AGAP1: variants seen among roughly 807,000 people sequenced by gnomAD.
AGAP1 encodes the protein arf-GAP with GTPase, ANK repeat and PH domain-containing protein 1.
A neutral mutation model predicts 105.3 loss-of-function variants in AGAP1; 29 were observed. The observed-to-expected ratio is 0.28, with a 90% CI of 0.21 to 0.38. AGAP1 has a LOEUF of 0.38. Among genes scored for constraint, AGAP1 ranks in the 10% least tolerant of loss-of-function variants. The pLI, the probability that AGAP1 is intolerant of heterozygous loss-of-function variation, is 1.00. For synonymous variants in AGAP1, 509 were observed against 485.9 expected, an observed-to-expected ratio of 1.05 and a Z score of -0.63; for missense variants, 998 against 1,165.1, an observed-to-expected ratio of 0.86 and a Z score of 2.09.
In AGAP1 at chr2:236,104,165, G is replaced by A. The variant is rs2059427146; in HGVS notation, c.2115-16027G>A. On this transcript the variant is annotated intron_variant, in intron 16 of 17. Transcript: ENST00000304032. The surrounding 1 kb of genome is among the most constrained non-coding windows in gnomAD (Gnocchi z 4.7). ...CGCAAGGCGGGAGGCCTGTGTAAAG[G>A]CCTGCAGGAAGAGGCTGAGGGCCCG... Among the ~76,000 whole-genome samples the A allele has an allele frequency of 6.6e-6, 1 of 152,348 alleles. No individual in the cohort carries two copies. Among genetic ancestry groups the A allele is most frequent in the East Asian group, 1.9e-4 (1 of 5,180 alleles).
intron 1 of AGAP1, among the ~76,000 whole-genome samples, chr2:235,650,097 C>T (rs1479028612): frequency 6.6e-6 from 1 of 152,184 alleles, no homozygotes; most frequent in Non-Finnish European, 1.5e-5. Context: ...GATGGTGGCT[C>T]ACGCCTGAAA....
intron 16 of AGAP1, among the ~76,000 whole-genome samples, chr2:236,102,949 G>A (rs1347031016): frequency 6.6e-6 from 1 of 151,668 alleles, no homozygotes; most frequent in African/African-American, 2.4e-5. Context: ...TTCTCCCACC[G>A]CAAGCCCCCG....
intron 16 of AGAP1, among the ~76,000 whole-genome samples, chr2:236,074,154 C>T (rs981237997): frequency 3.9e-5 from 6 of 152,184 alleles, no homozygotes; most frequent in South Asian, 2.1e-4. Context: ...AGCAGCTTGA[C>T]GCGGTAGGGG....
At chr2:235,536,605 CT>C (rs1341468473) in intron 1 of AGAP1, among the ~76,000 whole-genome samples, 1 of 134,678 alleles carries the variant, frequency 7.4e-6, no homozygotes, top group Non-Finnish European at 1.6e-5. Context: ...AGCAGGACCC[CT>C]GGGTTTGTGT....
At position 235,801,517 on chromosome 2, in the gene AGAP1, C is replaced by T. The variant is rs184097852; in HGVS notation, c.957+1995C>T. The stretch of plus-strand genomic sequence containing the variant: ...TATTGGGCAGTTTCTTCACACACAC[C>T]GAGAACAGCAGCAGTCACCTAAATA... On this transcript the variant is annotated intron_variant, in intron 8 of 17. Transcript: ENST00000304032. This position sits in a 1 kb window ranked among gnomAD's most constrained non-coding sequence, Gnocchi z 6.0. 5.9e-5 allele frequency among the ~76,000 whole-genome samples: 9 copies of T among 152,142 alleles called. No individual in the cohort carries two copies. Among genetic ancestry groups the T allele is most frequent in the Non-Finnish European group, 1.2e-4 (8 of 67,994 alleles).
At chr2:236,098,171 C>T (rs2059242123) in intron 16 of AGAP1, among the ~76,000 whole-genome samples, 1 of 152,048 alleles carries the variant, frequency 6.6e-6, no homozygotes, top group South Asian at 2.1e-4. Flanking sequence ...TATTTCAGTC[C>T]CTGCTTTCGA....
chr2:235,926,980 G>GA (rs1163555451), intron 11 of AGAP1, among the ~76,000 whole-genome samples: 4 of 152,206 alleles, frequency 2.6e-5, no homozygotes, highest in Middle Eastern at 3.4e-3. Flanking sequence ...ATTCTACTTT[G>GA]AAAAAAATGA....
Position 236,131,216 on chromosome 2 carries a change from C to T in AGAP1, c.*7094C>T, listed in dbSNP as rs977669005. 2 of 152,192 alleles carry T rather than the reference C, an allele frequency of 1.3e-5. No individual in the cohort carries two copies. The highest frequency in any genetic ancestry group is 2.9e-5 in the Non-Finnish European group (2 of 68,058). 9.4% of individuals were successfully genotyped at this position (152,192 alleles called of 1,614,324 possible). ...GAGCGCTGGGGAGGCCCTTATTGAG[C>T]TCAGCCTGGAGAGGGGAGGGTCGCA... is the stretch of plus-strand genomic sequence containing the variant. On this transcript the variant is annotated 3_prime_UTR_variant, in exon 18 of 18. Transcript: ENST00000304032. This position sits in a 1 kb window ranked among gnomAD's most constrained non-coding sequence, Gnocchi z 5.9.
At chr2:235,658,971 C>G (rs1947862671) in intron 1 of AGAP1, among the ~76,000 whole-genome samples, 1 of 152,202 alleles carries the variant, frequency 6.6e-6, no homozygotes, top group African/African-American at 2.4e-5. Flanking sequence ...CTCCTCTTTC[C>G]TCCCTTCTGC....
intron 16 of AGAP1, among the ~76,000 whole-genome samples, chr2:236,063,201 C>T (rs2058253168): frequency 6.6e-6 from 1 of 151,486 alleles, no homozygotes; most frequent in Admixed American, 6.6e-5. Flanking sequence ...TCAAGTGATT[C>T]TCCTGCCTCA....
At position 235,753,542 on chromosome 2, in the gene AGAP1, T is replaced by C. The variant is rs146479438; in HGVS notation, c.673+3054T>C. 2.0e-5 allele frequency among the ~76,000 whole-genome samples: 3 copies of C among 152,130 alleles called. No individual in the cohort carries two copies. Among genetic ancestry groups the C allele is most frequent in the Admixed American group, 6.5e-5 (1 of 15,284 alleles). On this transcript the variant is annotated intron_variant, in intron 6 of 17. Coordinates refer to ENST00000304032, the MANE Select transcript of AGAP1 (RefSeq NM_001037131.3). This position sits in a 1 kb window ranked among gnomAD's most constrained non-coding sequence, Gnocchi z 4.5. ...CACCATGGCGAAATCCCATCTCTAC[T>C]AAAATTGCAAAAAATTAGCCGGGCA...
intron 16 of AGAP1, among the ~76,000 whole-genome samples, chr2:236,068,130 G>T (rs1216441466): frequency 6.6e-6 from 1 of 152,122 alleles, no homozygotes; most frequent in Non-Finnish European, 1.5e-5. Context: ...AATTTAGCTG[G>T]GCGTTGTGGC....
chr2:235,991,896 C>T (rs1489799537), intron 13 of AGAP1, among the ~76,000 whole-genome samples: 3 of 152,124 alleles, frequency 2.0e-5, no homozygotes, highest in African/African-American at 7.2e-5. Flanking sequence ...AATTGTGAGT[C>T]GGGGAAAAAA....
At position 235,551,016 on chromosome 2, in the gene AGAP1, C is replaced by T. The variant is rs978668855; in HGVS notation, c.163+56167C>T. 9.9e-5 allele frequency among the ~76,000 whole-genome samples: 15 copies of T among 152,154 alleles called. No individual in the cohort carries two copies. The highest frequency in any genetic ancestry group is 2.1e-4 in the Non-Finnish European group (14 of 68,038). Reference sequence around the variant, plus strand: ...CTCGAACTCCTGGCCTCAAGTGATCCACCCACCTCGGCCTCTGAAAGTGCT... The same window carrying T: ...CTCGAACTCCTGGCCTCAAGTGATCTACCCACCTCGGCCTCTGAAAGTGCT... On this transcript the variant is annotated intron_variant, in intron 1 of 17. Transcript: ENST00000304032. This position sits in a 1 kb window ranked among gnomAD's most constrained non-coding sequence, Gnocchi z 4.8.
intron 13 of AGAP1, among the ~76,000 whole-genome samples, chr2:236,011,446 G>A (rs765962886): frequency 6.6e-4 from 100 of 152,222 alleles, no homozygotes; most frequent in Non-Finnish European, 2.1e-4. Context: ...TTTTAAACAT[G>A]TAAGACAGTG....
In AGAP1 at chr2:235,840,204, C is replaced by G. The variant is rs540848490; in HGVS notation, c.1050+32873C>G. ...ACAACCAGTCTTTCATGACAGCAAG[C>G]TGCTGTCCATTCTGATGGCTTCAGC... On this transcript the variant is annotated intron_variant, in intron 9 of 17. Transcript: ENST00000304032. 5.3e-5 allele frequency among the ~76,000 whole-genome samples: 8 copies of G among 152,336 alleles called. No homozygotes were observed. The South Asian group carries it at 1.7e-3, about 32-fold the overall frequency.
At chr2:235,677,095 G>A (rs1948782274) in intron 1 of AGAP1, among the ~76,000 whole-genome samples, 1 of 152,192 alleles carries the variant, frequency 6.6e-6, no homozygotes, top group South Asian at 2.1e-4. Flanking sequence ...GTTGATACTT[G>A]CATTCACGTT....
chr2:235,703,640 C>A (rs944013785), intron 1 of AGAP1, among the ~76,000 whole-genome samples: 11 of 150,546 alleles, frequency 7.3e-5, no homozygotes, highest in Non-Finnish European at 1.2e-4. Context: ...GCTCTATCCC[C>A]CAGGCTGGAG....
intron 1 of AGAP1, among the ~76,000 whole-genome samples, chr2:235,590,665 A>ATATGTG (rs149980676): frequency 7.8e-6 from 1 of 127,438 alleles, no homozygotes; most frequent in African/African-American, 3.1e-5. Flanking sequence ...TTTTGTTTTA[A>ATATGTG]TGTGTGTGTG....
Sources: allele counts gnomAD v4.1 joint callset (sites outside exome capture counted in the v4.1 genomes callset), GRCh38; gene constraint gnomAD v4.1.1; non-coding constraint Gnocchi (gnomAD v3.1); transcripts MANE v1.5; gene names NCBI Gene and HGNC (gene_info 2026-07-23, HGNC 2026-07-21).